The following PACRG variants were observed in gnomAD, a reference collection of about 807,000 sequenced individuals.
The protein encoded by PACRG is parkin coregulated.
Under a neutral mutation model 29.7 loss-of-function variants are expected in PACRG, and 29 were observed. That is an observed-to-expected ratio of 0.98 (90% CI 0.73 to 1.33). PACRG has a LOEUF of 1.33. Among genes scored for constraint, PACRG ranks in the 40% most tolerant of loss-of-function variants. The pLI is 0.00. For missense variants in PACRG, 279 were observed against 316.2 expected (o/e 0.88, Z 0.89); for synonymous variants, 116 against 118.7 (o/e 0.98, Z 0.15).
chr6:162,821,855 G>A (rs1377907294), intron 2 of PACRG, among the ~76,000 whole-genome samples: 1 of 152,108 alleles, frequency 6.6e-6, no homozygotes, highest in East Asian at 1.9e-4. Context: ...GCACTATTGA[G>A]ATCAAAAGTC....
intron 4 of PACRG, among the ~76,000 whole-genome samples, chr6:163,176,962 G>A (rs1779391214): frequency 6.6e-6 from 1 of 152,154 alleles, no homozygotes; most frequent in African/African-American, 2.4e-5. Flanking sequence ...TCACACATGG[G>A]CTTCTGTTTG....
At chr6:162,892,347 T>C (rs1451258164) in intron 2 of PACRG, among the ~76,000 whole-genome samples, 4 of 152,200 alleles carry the variant, frequency 2.6e-5, no homozygotes, top group African/African-American at 9.7e-5. Context: ...GGTCACACGC[T>C]TGACTAAGAC....
At chr6:162,730,663 G>A (rs1779695829) in intron 1 of PACRG, among the ~76,000 whole-genome samples, 1 of 152,106 alleles carries the variant, frequency 6.6e-6, no homozygotes, top group Non-Finnish European at 1.5e-5. Flanking sequence ...AAAAAATAAT[G>A]ATAAATGTAA....
intron 4 of PACRG, among the ~76,000 whole-genome samples, chr6:163,235,577 C>T (rs1213219526): frequency 6.6e-6 from 1 of 152,108 alleles, no homozygotes; most frequent in Non-Finnish European, 1.5e-5. Flanking sequence ...CCATTCATCC[C>T]CTGTGTTAAT....
intron 1 of PACRG, among the ~76,000 whole-genome samples, chr6:162,729,061 T>C (rs1188858243): frequency 6.6e-6 from 1 of 152,124 alleles, no homozygotes; most frequent in East Asian, 1.9e-4. Flanking sequence ...TTTGTAGTAA[T>C]AAAAATAAAA....
At chr6:162,895,712 T>C (rs901423974) in intron 2 of PACRG, among the ~76,000 whole-genome samples, 13 of 152,232 alleles carry the variant, frequency 8.5e-5, no homozygotes, top group African/African-American at 2.4e-4. Flanking sequence ...AATTTACTTA[T>C]GTCTGAAACC....
intron 4 of PACRG, among the ~76,000 whole-genome samples, chr6:163,228,850 C>G (rs1781911550): frequency 6.6e-6 from 1 of 152,136 alleles, no homozygotes; most frequent in Non-Finnish European, 1.5e-5. Context: ...CCATTCCAGA[C>G]AGCTTGAAAT....
chr6:162,766,148 G>T (rs1418890022), intron 1 of PACRG, among the ~76,000 whole-genome samples: 1 of 152,114 alleles, frequency 6.6e-6, no homozygotes, highest in Non-Finnish European at 1.5e-5. Flanking sequence ...ACAGTGCTGT[G>T]CAGTAGGACA....
At chr6:162,728,493 G>C (rs1779460229) in intron 1 of PACRG, 102 bp downstream of exon 1, 2 of 1,434,592 alleles carry the variant, frequency 1.4e-6, no homozygotes, top group Non-Finnish European at 1.9e-6. Flanking sequence ...CATGTCCTGG[G>C]TGGTCTTTGC....
chr6:163,056,468 T>C (rs1241546979), intron 2 of PACRG, among the ~76,000 whole-genome samples: 1 of 152,194 alleles, frequency 6.6e-6, no homozygotes, highest in Non-Finnish European at 1.5e-5. Context: ...GCTGAGAGAC[T>C]AAAGAAAGAG....
chr6:162,988,402 A>G (rs972117241), intron 2 of PACRG, among the ~76,000 whole-genome samples: 2 of 152,202 alleles, frequency 1.3e-5, no homozygotes, highest in African/African-American at 4.8e-5. Flanking sequence ...TTGAGGAGAC[A>G]GTAGCAATGA....
intron 1 of PACRG, among the ~76,000 whole-genome samples, chr6:162,749,543 C>T (rs534199775): frequency 1.2e-4 from 19 of 152,038 alleles, no homozygotes; most frequent in South Asian, 2.1e-4. Flanking sequence ...TTTTTTGAGA[C>T]GGGGTCTTGC....
At chr6:162,754,997 A>G (rs907968534) in intron 1 of PACRG, among the ~76,000 whole-genome samples, 5 of 151,964 alleles carry the variant, frequency 3.3e-5, no homozygotes, top group Admixed American at 6.6e-5. Context: ...CAGATATTCT[A>G]TTTCTTCATG....
intron 4 of PACRG, among the ~76,000 whole-genome samples, chr6:163,246,772 C>A (rs1782714380): frequency 6.6e-6 from 1 of 151,900 alleles, no homozygotes; most frequent in South Asian, 2.1e-4. Context: ...AAAACAAATA[C>A]AATGAAAGTC....
At chr6:163,075,895 A>G (rs548510066) in intron 3 of PACRG, among the ~76,000 whole-genome samples, 1 of 152,322 alleles carries the variant, frequency 6.6e-6, no homozygotes, top group African/African-American at 2.4e-5. Context: ...GGTTAGCAGC[A>G]AGGTTCTGTT....
chr6:162,834,964 A>G (rs1789095633), intron 2 of PACRG, among the ~76,000 whole-genome samples: 2 of 152,106 alleles, frequency 1.3e-5, no homozygotes, highest in African/African-American at 4.8e-5. Context: ...AAAATAAACT[A>G]TAAGAGTAAC....
At position 163,014,797 on chromosome 6, in the gene PACRG, CTG is replaced by C. The variant is rs1193016630; in HGVS notation, c.292-47351_292-47350del. Among the ~76,000 whole-genome samples, 4 of 152,018 alleles carry C rather than the reference CTG, an allele frequency of 2.6e-5. No homozygotes were observed. The East Asian group carries it at 7.7e-4, about 29-fold the overall frequency. On this transcript the variant is annotated intron_variant, in intron 2 of 4. Coordinates refer to ENST00000366888, the MANE Select transcript of PACRG (RefSeq NM_001080379.2). ...CAAATATCTTCTTCCATTCTGTAGGCTGTCTGTTTACTCTGCTGATAGTTTCT... is the reference window on the plus strand; with the variant it reads ...CAAATATCTTCTTCCATTCTGTAGGCTCTGTTTACTCTGCTGATAGTTTCT...
At chr6:162,969,820 G>T (rs1239921965) in intron 2 of PACRG, among the ~76,000 whole-genome samples, 1 of 152,148 alleles carries the variant, frequency 6.6e-6, no homozygotes, top group African/African-American at 2.4e-5. Context: ...TATCCTCTCA[G>T]TTGTAATTTA....
intron 2 of PACRG, among the ~76,000 whole-genome samples, chr6:162,831,112 A>G (rs533945692): frequency 6.6e-6 from 1 of 152,160 alleles, no homozygotes; most frequent in Non-Finnish European, 1.5e-5. Flanking sequence ...GAAGAGTGCA[A>G]CTTTCATGAT....
Sources: allele counts gnomAD v4.1 joint callset (sites outside exome capture counted in the v4.1 genomes callset), GRCh38; gene constraint gnomAD v4.1.1; transcripts MANE v1.5; gene names NCBI Gene and HGNC (gene_info 2026-07-23, HGNC 2026-07-21).